MACROD2: variants seen among roughly 807,000 people sequenced by gnomAD.
MACROD2 encodes mono-ADP ribosylhydrolase 2, also known as ADP-ribose glycohydrolase MACROD2.
Under a neutral mutation model 70.4 loss-of-function variants are expected in MACROD2, and 36 were observed. The observed-to-expected ratio is 0.51, with a 90% CI of 0.39 to 0.68. The LOEUF (loss-of-function observed/expected upper bound fraction) is 0.68, where lower values mean the gene tolerates loss of function less well. Ranked by LOEUF, MACROD2 falls within the 30% of genes least tolerant of loss-of-function variation. The pLI, the probability that MACROD2 is intolerant of heterozygous loss-of-function variation, is 0.00. For synonymous variants in MACROD2, 172 were observed against 178.8 expected, an observed-to-expected ratio of 0.96 and a Z score of 0.30; for missense variants, 496 against 538.4, an observed-to-expected ratio of 0.92 and a Z score of 0.78.
At chr20:15,412,593 A>G (rs569070030) in intron 6 of MACROD2, among the ~76,000 whole-genome samples, 2 of 152,278 alleles carry the variant, frequency 1.3e-5, no homozygotes, top group Non-Finnish European at 2.9e-5. Context: ...TTTGTTTTCT[A>G]CGTGAAAACT....
At chr20:15,979,667 A>G (rs772991340) in intron 13 of MACROD2, among the ~76,000 whole-genome samples, 1 of 152,114 alleles carries the variant, frequency 6.6e-6, no homozygotes, top group Non-Finnish European at 1.5e-5. Flanking sequence ...CATTAGCCCG[A>G]GGCAAAATGG....
chr20:14,067,133 T>TTG (rs1569143561), intron 2 of MACROD2, among the ~76,000 whole-genome samples: 2 of 144,806 alleles, frequency 1.4e-5, no homozygotes, highest in African/African-American at 5.2e-5. Context: ...GTTTTTTTTT[T>TTG]TTTTTTTTTG....
intron 8 of MACROD2, among the ~76,000 whole-genome samples, chr20:15,822,104 T>C (rs907792714): frequency 2.0e-5 from 3 of 152,206 alleles, no homozygotes; most frequent in Non-Finnish European, 2.9e-5. Context: ...TCATTAATCA[T>C]TGAAAACATC....
At chr20:15,852,393 A>G (rs1330873025) in intron 8 of MACROD2, among the ~76,000 whole-genome samples, 1 of 152,206 alleles carries the variant, frequency 6.6e-6, no homozygotes, top group Non-Finnish European at 1.5e-5. Context: ...GATCCTTTTT[A>G]TGCCCATAGA....
intron 6 of MACROD2, among the ~76,000 whole-genome samples, chr20:15,305,221 C>T (rs1162234378): frequency 6.6e-6 from 1 of 151,604 alleles, no homozygotes; most frequent in East Asian, 1.9e-4. Context: ...ATCAAGAGTT[C>T]CTTTTATTTG....
intron 15 of MACROD2, among the ~76,000 whole-genome samples, chr20:15,992,005 T>C (rs533789434): frequency 6.6e-6 from 1 of 152,314 alleles, no homozygotes; most frequent in African/African-American, 2.4e-5. Flanking sequence ...AACCAGTTCA[T>C]TCAAATTATG....
At chr20:15,994,235 C>T (rs2066597191) in intron 15 of MACROD2, among the ~76,000 whole-genome samples, 1 of 152,144 alleles carries the variant, frequency 6.6e-6, no homozygotes, top group Admixed American at 6.5e-5. Context: ...TGCTATTCTA[C>T]ATTTTATATA....
intron 15 of MACROD2, among the ~76,000 whole-genome samples, chr20:16,035,063 TTATA>T (rs1246823109): frequency 8.4e-6 from 1 of 119,464 alleles, no homozygotes; most frequent in Non-Finnish European, 1.7e-5. Context: ...ATATAAAATA[TTATA>T]TATAAAATAT....
intron 8 of MACROD2, among the ~76,000 whole-genome samples, chr20:15,621,138 G>A (rs1265898796): frequency 6.6e-6 from 1 of 152,004 alleles, no homozygotes; most frequent in Non-Finnish European, 1.5e-5. Context: ...GTGGATGTTG[G>A]GCTGAACTTT....
At chr20:15,661,714 C>T (rs543665017) in intron 8 of MACROD2, among the ~76,000 whole-genome samples, 1 of 152,286 alleles carries the variant, frequency 6.6e-6, no homozygotes, top group East Asian at 1.9e-4. Flanking sequence ...GCAGTACCCA[C>T]ATCAAAAAAT....
At chr20:14,085,921 AC>A (rs1470444422) in intron 3 of MACROD2, among the ~76,000 whole-genome samples, 193 bp downstream of exon 3, 1 of 152,208 alleles carries the variant, frequency 6.6e-6, no homozygotes, top group African/African-American at 2.4e-5. Flanking sequence ...CATCTACAGT[AC>A]CCTCTACAGT....
intron 3 of MACROD2, among the ~76,000 whole-genome samples, chr20:14,287,458 A>G (rs1448834559): frequency 5.0e-5 from 1 of 19,868 alleles, no homozygotes; most frequent in East Asian, 6.5e-4. Flanking sequence ...ATCAAAACTT[A>G]TTATATATTT....
chr20:15,193,743 G>T (rs943210447), intron 5 of MACROD2, among the ~76,000 whole-genome samples: 19 of 151,718 alleles, frequency 1.3e-4, no homozygotes, highest in Non-Finnish European at 2.8e-4. Context: ...CCCCAGCCCC[G>T]CTGTCACTCC....
At chr20:14,870,332 C>G (rs1481498432) in intron 5 of MACROD2, among the ~76,000 whole-genome samples, 4 of 152,098 alleles carry the variant, frequency 2.6e-5, no homozygotes, top group Non-Finnish European at 4.4e-5. Context: ...GACACATTAT[C>G]CAGTCTATCA....
intron 8 of MACROD2, among the ~76,000 whole-genome samples, chr20:15,841,146 G>A (rs1204558920): frequency 6.6e-6 from 1 of 152,092 alleles, no homozygotes; most frequent in African/African-American, 2.4e-5. Context: ...GATCATGGGT[G>A]GCCCACACTA....
intron 8 of MACROD2, among the ~76,000 whole-genome samples, chr20:15,590,425 CGAT>C (rs913313387): frequency 6.6e-6 from 1 of 152,172 alleles, no homozygotes; most frequent in Non-Finnish European, 1.5e-5. Context: ...CTACTTAGAG[CGAT>C]TTCTATACAT....
chr20:13,999,029 A>G (rs2052699128), intron 1 of MACROD2, among the ~76,000 whole-genome samples: 1 of 151,836 alleles, frequency 6.6e-6, no homozygotes, highest in Admixed American at 6.6e-5. Context: ...CCTCTTGCAT[A>G]GTCTCATTGG....
intron 4 of MACROD2, among the ~76,000 whole-genome samples, chr20:14,662,099 T>C (rs1986255237): frequency 6.6e-6 from 1 of 151,952 alleles, no homozygotes; most frequent in South Asian, 2.1e-4. Flanking sequence ...GCTGGGACAA[T>C]TGGCAAAGTT....
intron 5 of MACROD2, among the ~76,000 whole-genome samples, chr20:14,790,956 G>A (rs572900923): frequency 8.5e-4 from 130 of 152,182 alleles, no homozygotes; most frequent in African/African-American, 2.9e-3. Flanking sequence ...CTAAGTGCTT[G>A]AGGCAGAACA....
Sources: allele counts gnomAD v4.1 joint callset (sites outside exome capture counted in the v4.1 genomes callset), GRCh38; gene constraint gnomAD v4.1.1; transcripts MANE v1.5; gene names NCBI Gene and HGNC (gene_info 2026-07-23, HGNC 2026-07-21).